ATG4C: variants seen among roughly 807,000 people sequenced by gnomAD.
ATG4C encodes the protein autophagy related 4C cysteine peptidase.
In ATG4C, 56 loss-of-function variants were observed where a neutral mutation model predicts 57.6. That is an observed-to-expected ratio of 0.97 (90% confidence interval 0.78 to 1.21). The LOEUF is 1.21. Among genes scored for constraint, ATG4C ranks in the 50% most tolerant of loss-of-function variants. The pLI is 0.00. For synonymous variants in ATG4C, 157 were observed against 174.1 expected (o/e 0.90, Z 0.78); for missense variants, 595 against 529.8 (o/e 1.12, Z -1.21).
chr1:62,861,780 T>G (rs973864332), intron 10 of ATG4C, among the ~76,000 whole-genome samples: 3 of 152,242 alleles, frequency 2.0e-5, no homozygotes, highest in Non-Finnish European at 2.9e-5. Flanking sequence ...AAGGATTATG[T>G]AATAAACATT....
Position 62,864,223 on chromosome 1 carries a change from A to G in ATG4C, c.*64A>G. 7.6e-7 allele frequency: 1 copy of G among 1,307,420 alleles called. No individual in the cohort carries two copies. Among genetic ancestry groups the G allele is most frequent in the South Asian group, 1.4e-5 (1 of 70,624 alleles). The allele number at this position is 1,307,420 out of a possible 1,614,324, so 81.0% of individuals were successfully genotyped here. ...GAAAGGGGAAAAATGAAGAGAAACA[A>G]GTATATCTGAAATGTTTATTTTCAC... is the stretch of plus-strand genomic sequence containing the variant. On this transcript the variant is annotated 3_prime_UTR_variant, in exon 11 of 11. Transcript: ENST00000317868.
rs796455798 is a variant in ATG4C at position 62,838,639 on chromosome 1, G to A, written c.1090-2789G>A. ...CTAAAAATACAAAAAAATTAGCTGG[G>A]CGTGGTGGTGCGCACCTGTAATCCC... On this transcript the variant is annotated intron_variant, in intron 9 of 10. Coordinates refer to ENST00000317868, the MANE Select transcript of ATG4C (RefSeq NM_032852.4). 6.6e-5 allele frequency among the ~76,000 whole-genome samples: 10 copies of A among 152,184 alleles called. 2 individuals are homozygous for A. Among genetic ancestry groups the A allele is most frequent in the African/African-American group, 2.4e-4 (10 of 41,514 alleles).
chr1:62,831,812 TA>T (rs1447506502), intron 7 of ATG4C, among the ~76,000 whole-genome samples: 2 of 152,236 alleles, frequency 1.3e-5, no homozygotes, highest in Admixed American at 1.3e-4. Context: ...AAGCGTTTAT[TA>T]CTAAACTTGC....
chr1:62,807,280 C>T (rs1175413727), intron 3 of ATG4C, among the ~76,000 whole-genome samples: 1 of 152,028 alleles, frequency 6.6e-6, no homozygotes, highest in African/African-American at 2.4e-5. Flanking sequence ...GTCTTTGATC[C>T]CAGTTCCTAA....
At position 62,821,142 on chromosome 1, in the gene ATG4C, A is replaced by G. The variant is rs750041221; in HGVS notation, c.729A>G (p.Lys243=). ...GPAVVAHILR[K]AVEEARHPDL... is the part of the protein sequence containing the mutation. Reference sequence around the variant, plus strand: ...ATAATGCTTGTTATTTTCTCAGAAAAGCAGTTGAAGAAGCAAGGCATCCTG... The same window carrying G: ...ATAATGCTTGTTATTTTCTCAGAAAGGCAGTTGAAGAAGCAAGGCATCCTG... The change falls in exon 6 of 11, where the codon AAA becomes AAG. Residue 243 remains lysine, a synonymous_variant. Transcript: ENST00000317868. 1 of 1,597,548 alleles carries G rather than the reference A, an allele frequency of 6.3e-7. No homozygotes were observed. Among genetic ancestry groups the G allele is most frequent in the Admixed American group, 1.8e-5 (1 of 56,262 alleles).
chr1:62,829,246 T>G, intron 7 of ATG4C, 70 bp downstream of exon 7: 1 of 1,543,048 alleles, frequency 6.5e-7, no homozygotes, highest in Non-Finnish European at 8.8e-7. Flanking sequence ...GGTTTGCAAT[T>G]TTTTTCTGTT....
intron 10 of ATG4C, among the ~76,000 whole-genome samples, chr1:62,847,148 G>T (rs1205271752): frequency 6.6e-6 from 1 of 152,216 alleles, no homozygotes; most frequent in Non-Finnish European, 1.5e-5. Flanking sequence ...TTGCACTCCA[G>T]CCTGGGCGAG....
intron 4 of ATG4C, 77 bp from the exon 5 acceptor site, chr1:62,818,928 G>C: frequency 8.6e-7 from 1 of 1,168,936 alleles, no homozygotes; most frequent in Non-Finnish European, 1.2e-6. Context: ...GACCTTAAAT[G>C]CTACGTATTT....
At chr1:62,854,828 A>G (rs1428045695) in intron 10 of ATG4C, among the ~76,000 whole-genome samples, 4 of 152,138 alleles carry the variant, frequency 2.6e-5, no homozygotes, top group East Asian at 1.9e-4. Flanking sequence ...TTCTCAAAGA[A>G]AAGTTTTGCC....
Position 62,864,411 on chromosome 1 carries a change from T to C in ATG4C, c.*252T>C. The C allele has an allele frequency of 3.1e-6, 1 of 319,504 alleles. No individual in the cohort carries two copies. Among genetic ancestry groups the C allele is most frequent in the Non-Finnish European group, 5.8e-6 (1 of 173,142 alleles). 19.8% of individuals were successfully genotyped at this position (319,504 alleles called of 1,614,324 possible). ...TTTCCCTAAGATCTACTAGTGATAA[T>C]TCTACCTTAACTGTAAGCCTTTTAG... is the stretch of plus-strand genomic sequence containing the variant. On this transcript the variant is annotated 3_prime_UTR_variant, in exon 11 of 11. Coordinates refer to ENST00000317868, the MANE Select transcript of ATG4C (RefSeq NM_032852.4).
At chr1:62,825,702 C>G (rs2100326838) in intron 6 of ATG4C, among the ~76,000 whole-genome samples, 1 of 152,284 alleles carries the variant, frequency 6.6e-6, no homozygotes, top group Non-Finnish European at 1.5e-5. Context: ...CTCAACCTTT[C>G]TGTTTACCTA....
At chr1:62,844,633 C>T (rs1005034946) in intron 10 of ATG4C, among the ~76,000 whole-genome samples, 1 of 151,900 alleles carries the variant, frequency 6.6e-6, no homozygotes, top group African/African-American at 2.4e-5. Flanking sequence ...AGTAAATACC[C>T]ATGTGTTACC....
intron 9 of ATG4C, among the ~76,000 whole-genome samples, chr1:62,838,372 A>G (rs941161546): frequency 1.3e-5 from 2 of 152,244 alleles, no homozygotes; most frequent in African/African-American, 4.8e-5. Context: ...CACGAAGTGA[A>G]CATAGCCCTG....
At chr1:62,797,608 A>G (rs1664516754) in intron 1 of ATG4C, among the ~76,000 whole-genome samples, 1 of 151,388 alleles carries the variant, frequency 6.6e-6, no homozygotes, top group Admixed American at 6.6e-5. Context: ...TTTTCTGTTT[A>G]GGTTTTTCCT....
At chr1:62,842,231 C>G (rs562068978) in intron 10 of ATG4C, among the ~76,000 whole-genome samples, 1 of 151,476 alleles carries the variant, frequency 6.6e-6, no homozygotes, top group Non-Finnish European at 1.5e-5. Flanking sequence ...AGTTTGATAG[C>G]TCTTTATTTG....
chr1:62,814,400 A>G (rs1665194032), intron 3 of ATG4C, among the ~76,000 whole-genome samples: 1 of 152,292 alleles, frequency 6.6e-6, no homozygotes, highest in South Asian at 2.1e-4. Flanking sequence ...AACAATGAGA[A>G]TACATGGAGA....
At chr1:62,849,653 C>T (rs914687968) in intron 10 of ATG4C, among the ~76,000 whole-genome samples, 15 of 151,758 alleles carry the variant, frequency 9.9e-5, no homozygotes, top group South Asian at 2.1e-4. Context: ...CTAGGATTAC[C>T]GGTGCCTGCC....
chr1:62,792,454 A>G (rs1371552694), intron 1 of ATG4C, among the ~76,000 whole-genome samples: 7 of 152,212 alleles, frequency 4.6e-5, no homozygotes, highest in Admixed American at 3.9e-4. Context: ...TAAATATCAG[A>G]TGGGCTCTCC....
At chr1:62,792,284 C>T (rs1664302374) in intron 1 of ATG4C, among the ~76,000 whole-genome samples, 1 of 152,156 alleles carries the variant, frequency 6.6e-6, no homozygotes, top group Non-Finnish European at 1.5e-5. Context: ...TGTGAGCCAC[C>T]ACGCCCGGCC....
Sources: gnomAD v4.1 joint callset for allele counts (sites outside exome capture counted in the v4.1 genomes callset) on GRCh38, gnomAD v4.1.1 for gene constraint, MANE v1.5 for transcripts, NCBI Gene and HGNC (gene_info 2026-07-23, HGNC 2026-07-21) for gene names.